The following FTO variants were observed in gnomAD, a reference collection of about 807,000 sequenced individuals.
The protein encoded by FTO is FTO alpha-ketoglutarate dependent dioxygenase.
FTO carries 47 observed loss-of-function variants against 63.9 expected under a neutral mutation model. The ratio of observed to expected loss-of-function variants is 0.74; its 90% CI spans 0.58 to 0.94. The LOEUF is 0.94. Ranked by LOEUF, FTO falls within the 40% of genes least tolerant of loss-of-function variation. The pLI is 0.00. For synonymous variants in FTO, 207 were observed against 224.4 expected (o/e 0.92, Z 0.69); for missense variants, 562 against 618.1 (o/e 0.91, Z 0.96).
At chr16:53,903,841 T>C (rs1316653274) in intron 7 of FTO, among the ~76,000 whole-genome samples, 1 of 152,172 alleles carries the variant, frequency 6.6e-6, no homozygotes, top group Admixed American at 6.5e-5. Flanking sequence ...GTGTGCATTT[T>C]TAATTTTAAG....
At chr16:53,879,739 A>G in intron 5 of FTO, 105 bp from the exon 6 acceptor site, 2 of 1,200,670 alleles carry the variant, frequency 1.7e-6, no homozygotes, top group Non-Finnish European at 2.5e-6. Flanking sequence ...CCATGGGGCA[A>G]CAGGTGAATT....
chr16:54,055,439 C>G (rs144674469), intron 8 of FTO, among the ~76,000 whole-genome samples: 1 of 152,162 alleles, frequency 6.6e-6, no homozygotes, highest in African/African-American at 2.4e-5. Flanking sequence ...TCTATGGCAA[C>G]GAGCTATGTC....
At chr16:53,827,069 A>G (rs2079027267) in intron 3 of FTO, among the ~76,000 whole-genome samples, 1 of 152,204 alleles carries the variant, frequency 6.6e-6, no homozygotes, top group African/African-American at 2.4e-5. Flanking sequence ...TTTTGTAAGC[A>G]GACAGTCCTC....
intron 7 of FTO, among the ~76,000 whole-genome samples, chr16:53,906,724 G>T (rs530373515): frequency 6.6e-6 from 1 of 152,176 alleles, no homozygotes; most frequent in African/African-American, 2.4e-5. Context: ...CGTGTAGAGT[G>T]GTAGAAGCAG....
chr16:54,042,860 A>G lies in FTO; in HGVS notation c.1365-68902A>G, dbSNP rs1238414844. On this transcript the variant is annotated intron_variant, in intron 8 of 8. Coordinates refer to ENST00000471389, the MANE Select transcript of FTO (RefSeq NM_001080432.3). ...CAGCAGGGGCACACTGACACCTCAC[A>G]TGGCAGGGTATTCCAACAGACCTGC... is the stretch of plus-strand genomic sequence containing the variant. 1.2e-3 allele frequency among the ~76,000 whole-genome samples: 97 copies of G among 78,372 alleles called. 15 individuals are homozygous for G. The highest frequency in any genetic ancestry group is 1.9e-3 in the Non-Finnish European group (91 of 47,562). 51.4% of individuals were successfully genotyped at this position (78,372 alleles called of 152,430 possible). A position where few individuals can be genotyped will look rare whatever the true frequency, so the allele number is the denominator to read the frequency against.
chr16:53,933,564 G>A (rs2082326553), intron 7 of FTO, among the ~76,000 whole-genome samples: 1 of 152,178 alleles, frequency 6.6e-6, no homozygotes, highest in Non-Finnish European at 1.5e-5. Flanking sequence ...GGCAGAGAAA[G>A]CCTCAGCTGG....
chr16:54,110,109 C>A (rs1225007741), intron 8 of FTO, among the ~76,000 whole-genome samples: 2 of 152,128 alleles, frequency 1.3e-5, no homozygotes, highest in African/African-American at 2.4e-5. Context: ...GAGAGACTGT[C>A]TCTACAACTA....
At position 53,940,698 on chromosome 16, in the gene FTO, A is replaced by T. The variant is rs952678911; in HGVS notation, c.1364+6589A>T. ...TAAAAATGGTGCTGAGATTCATTTCAACTAATGTTTATGGAAGTTTCTTCG... is the reference window on the plus strand; with the variant it reads ...TAAAAATGGTGCTGAGATTCATTTCTACTAATGTTTATGGAAGTTTCTTCG... On this transcript the variant is annotated intron_variant, in intron 8 of 8. Coordinates refer to ENST00000471389, the MANE Select transcript of FTO (RefSeq NM_001080432.3). Among the ~76,000 whole-genome samples the T allele has an allele frequency of 2.0e-5, 3 of 152,222 alleles. No homozygotes were observed. In the East Asian group the frequency reaches 5.8e-4, roughly 29 times the overall value.
intron 1 of FTO, among the ~76,000 whole-genome samples, chr16:53,756,609 G>A (rs1367531642): frequency 6.6e-6 from 1 of 152,180 alleles, no homozygotes; most frequent in Non-Finnish European, 1.5e-5. Context: ...TAAAAGAGTT[G>A]CAGAGATGCG....
intron 8 of FTO, among the ~76,000 whole-genome samples, chr16:53,949,752 T>TG (rs1046415147): frequency 5.3e-5 from 8 of 151,904 alleles, no homozygotes; most frequent in Admixed American, 1.3e-4. Context: ...AAGACTAGCT[T>TG]GTGAAATAGT....
chr16:53,876,669 G>A (rs1246599520), intron 5 of FTO, among the ~76,000 whole-genome samples: 6 of 152,218 alleles, frequency 3.9e-5, no homozygotes, highest in Admixed American at 3.3e-4. Context: ...GCTCATGCCT[G>A]TAATCCCAGC....
intron 7 of FTO, among the ~76,000 whole-genome samples, chr16:53,921,529 G>A (rs917402542): frequency 4.6e-5 from 7 of 152,308 alleles, no homozygotes; most frequent in East Asian, 1.9e-4. Flanking sequence ...TAGAAGTAGC[G>A]TCTGGGAATT....
At chr16:54,064,808 C>T (rs1184696412) in intron 8 of FTO, among the ~76,000 whole-genome samples, 2 of 152,124 alleles carry the variant, frequency 1.3e-5, no homozygotes, top group Non-Finnish European at 2.9e-5. Flanking sequence ...AGCCCCTTGC[C>T]ATCACGGGGT....
chr16:54,105,771 C>CTGTGTGTGTGTG (rs57782663), intron 8 of FTO, among the ~76,000 whole-genome samples: 4 of 138,078 alleles, frequency 2.9e-5, no homozygotes, highest in South Asian at 5.1e-4. Flanking sequence ...AAGTTCTAGT[C>CTGTGTGTGTGTG]TGTGTGTGTG....
chr16:53,984,054 T>A (rs1241963648), intron 8 of FTO, among the ~76,000 whole-genome samples: 1 of 152,208 alleles, frequency 6.6e-6, no homozygotes, highest in Non-Finnish European at 1.5e-5. Context: ...GGGAGGTGTT[T>A]GGAGCCTGGT....
At chr16:53,843,969 A>T (rs542259839) in intron 3 of FTO, among the ~76,000 whole-genome samples, 186 bp from the exon 4 acceptor site, 2 of 152,270 alleles carry the variant, frequency 1.3e-5, no homozygotes, top group African/African-American at 4.8e-5. Flanking sequence ...TTTCTTGATG[A>T]AAAAATTAAT....
intron 1 of FTO, among the ~76,000 whole-genome samples, chr16:53,712,302 T>C (rs540761905): frequency 5.3e-5 from 8 of 152,294 alleles, no homozygotes; most frequent in African/African-American, 1.9e-4. Context: ...GTTTTGGTGT[T>C]AGGCCAAAGA....
chr16:53,983,783 C>T (rs1382951464), intron 8 of FTO, among the ~76,000 whole-genome samples: 1 of 152,200 alleles, frequency 6.6e-6, no homozygotes, highest in Non-Finnish European at 1.5e-5. Context: ...TCCCAGCCAG[C>T]TGCTGCCATG....
At chr16:53,986,220 C>T (rs998946567) in intron 8 of FTO, among the ~76,000 whole-genome samples, 6 of 152,186 alleles carry the variant, frequency 3.9e-5, no homozygotes, top group East Asian at 3.9e-4. Flanking sequence ...GACCACCAAA[C>T]GCCTGAAATT....
Sources: allele counts gnomAD v4.1 joint callset (sites outside exome capture counted in the v4.1 genomes callset), GRCh38; gene constraint gnomAD v4.1.1; transcripts MANE v1.5; gene names NCBI Gene and HGNC (gene_info 2026-07-23, HGNC 2026-07-21).